TMEM181: variants seen among roughly 807,000 people sequenced by gnomAD.
TMEM181 encodes transmembrane protein 181.
TMEM181 carries 39 observed loss-of-function variants against 71.9 expected under a neutral mutation model. That is an observed-to-expected ratio of 0.54 (90% CI 0.42 to 0.71). TMEM181 has a LOEUF of 0.71. Ranked by LOEUF, TMEM181 falls within the 30% of genes least tolerant of loss-of-function variation. TMEM181 has a pLI of 0.00. For missense variants in TMEM181, 595 were observed against 583.0 expected (o/e 1.02, Z -0.21); for synonymous variants, 245 against 228.8 (o/e 1.07, Z -0.64).
At chr6:158,609,152 A>C (rs1785142953) in intron 10 of TMEM181, among the ~76,000 whole-genome samples, 1 of 151,642 alleles carries the variant, frequency 6.6e-6, no homozygotes. Context: ...CTGTGAACTC[A>C]TCCAGAAAAG....
At chr6:158,569,443 T>C (rs1329127762) in intron 1 of TMEM181, among the ~76,000 whole-genome samples, 1 of 152,252 alleles carries the variant, frequency 6.6e-6, no homozygotes, top group East Asian at 1.9e-4. Context: ...TCTTTTTTCC[T>C]TTGAGTTGGA....
chr6:158,619,825 C>T (rs987393250), intron 10 of TMEM181, among the ~76,000 whole-genome samples: 50 of 144,008 alleles, frequency 3.5e-4, no homozygotes, highest in African/African-American at 1.2e-3. Context: ...GCTGAGATTG[C>T]GCCACTGCAC....
At chr6:158,610,141 CT>C (rs1191705355) in intron 10 of TMEM181, 27 of 222,896 alleles carry the variant, frequency 1.2e-4, no homozygotes, top group Middle Eastern at 5.0e-4. Flanking sequence ...CTCAAGCTGT[CT>C]CTTAAATACC....
rs1023690207 is a variant in TMEM181 at position 158,536,698 on chromosome 6, T to C, written c.-37T>C. 5.2e-6 allele frequency: 8 copies of C among 1,552,736 alleles called. No individual in the cohort carries two copies. In the Admixed American group the frequency reaches 1.5e-4, roughly 29 times the overall value. ...GGGGCGCAGGCGGCGACACAAAGGG[T>C]GGAGCGGCGGGACCGGGACCCGGGA... On this transcript the variant is annotated 5_prime_UTR_variant, in exon 1 of 17. Coordinates refer to the TMEM181 transcript ENST00000367090.
chr6:158,563,760 A>T (rs1244526594), intron 1 of TMEM181, among the ~76,000 whole-genome samples: 3 of 152,182 alleles, frequency 2.0e-5, no homozygotes, highest in Non-Finnish European at 4.4e-5. Flanking sequence ...ATTGTTTATT[A>T]AATTGTGTTT....
At chr6:158,598,225 C>T (rs1265377167) in intron 6 of TMEM181, among the ~76,000 whole-genome samples, 2 of 152,218 alleles carry the variant, frequency 1.3e-5, no homozygotes, top group Non-Finnish European at 2.9e-5. Context: ...TCTCTGGGCA[C>T]GTCACATGCG....
rs542723808 is a variant in TMEM181, at chr6:158,608,167, T to A, written c.674-166T>A. 1.8e-4 allele frequency among the ~76,000 whole-genome samples: 28 copies of A among 152,184 alleles called. No homozygotes were observed. The South Asian group carries it at 5.8e-3, about 32-fold the overall frequency. The stretch of plus-strand genomic sequence containing the variant: ...TGCAGTGGGATGGGGTGCTCTCTGC[T>A]AGGTGCTGACCCCGCACAGGTATGG... On this transcript the variant is annotated intron_variant, in intron 8 of 16. Coordinates refer to ENST00000684151, the MANE Select transcript of TMEM181 (RefSeq NM_001376852.1).
chr6:158,619,841 C>T (rs1583045921), intron 10 of TMEM181, among the ~76,000 whole-genome samples: 1 of 144,560 alleles, frequency 6.9e-6, no homozygotes, highest in Non-Finnish European at 1.5e-5. Context: ...TGCACTCCAG[C>T]CTGGCGACAC....
intron 6 of TMEM181, among the ~76,000 whole-genome samples, chr6:158,599,915 G>A (rs1372337481): frequency 4.6e-5 from 7 of 152,218 alleles, no homozygotes; most frequent in African/African-American, 7.2e-5. Context: ...TGACAGGGGC[G>A]GCCTCCCAGA....
chr6:158,612,228 G>A (rs1017221832), intron 10 of TMEM181, among the ~76,000 whole-genome samples: 1 of 152,174 alleles, frequency 6.6e-6, no homozygotes, highest in African/African-American at 2.4e-5. Flanking sequence ...TCCTTGAAAC[G>A]TAAGAAGTTA....
At chr6:158,545,843 C>A (rs1233880660) in intron 1 of TMEM181, among the ~76,000 whole-genome samples, 11 of 152,162 alleles carry the variant, frequency 7.2e-5, no homozygotes, top group Admixed American at 5.9e-4. Context: ...GCTCTGGCTT[C>A]CCATTCTTTT....
chr6:158,557,213 A>G (rs1007419953), upstream of TMEM181, among the ~76,000 whole-genome samples: 2 of 152,144 alleles, frequency 1.3e-5, no homozygotes, highest in African/African-American at 4.8e-5. Flanking sequence ...TGTCTCTACA[A>G]AAAATACAAA....
chr6:158,550,684 A>G (rs1781691371), intron 1 of TMEM181, among the ~76,000 whole-genome samples: 1 of 152,002 alleles, frequency 6.6e-6, no homozygotes, highest in Non-Finnish European at 1.5e-5. Flanking sequence ...ACGTAGTTTC[A>G]TTTTACAGGT....
intron 6 of TMEM181, 84 bp from the exon 7 acceptor site, chr6:158,605,183 G>C: frequency 1.1e-6 from 1 of 920,612 alleles, no homozygotes; most frequent in South Asian, 1.3e-5. Context: ...GTCTCATCTA[G>C]AGATAACTAT....
rs367960202 is a variant in TMEM181 at position 158,571,409 on chromosome 6, G to A, written c.9-2011G>A. On this transcript the variant is annotated intron_variant, in intron 1 of 16. Transcript: ENST00000684151. ...CCCGCCTTGGCCTTGTGATCTGCCC[G>A]CCTTGGCCTCCCAAAGTGCTGAGAT... Among the ~76,000 whole-genome samples, 14 of 94,068 alleles carry A rather than the reference G, an allele frequency of 1.5e-4. 1 individual carries two copies. Among genetic ancestry groups the A allele is most frequent in the Non-Finnish European group, 2.1e-4 (9 of 43,228 alleles). 61.7% of individuals were successfully genotyped at this position (94,068 alleles called of 152,430 possible). A position where few individuals can be genotyped will look rare whatever the true frequency, so the allele number is the denominator to read the frequency against.
intron 5 of TMEM181, 100 bp from the exon 6 acceptor site, chr6:158,589,571 AG>A: frequency 1.2e-6 from 1 of 821,210 alleles, no homozygotes; most frequent in Non-Finnish European, 2.0e-6. Flanking sequence ...GGAGACAATG[AG>A]TTCTGCCCAT....
intron 13 of TMEM181, among the ~76,000 whole-genome samples, chr6:158,626,934 TCTCACC>T (rs55927745): frequency 5.7e-4 from 46 of 81,060 alleles, no homozygotes; most frequent in Middle Eastern, 7.9e-3. Flanking sequence ...TCACCCTCAT[TCTCACC>T]CTCACCCTCA....
chr6:158,599,955 C>T (rs957887547), intron 6 of TMEM181, among the ~76,000 whole-genome samples: 8 of 152,138 alleles, frequency 5.3e-5, no homozygotes, highest in Admixed American at 3.9e-4. Flanking sequence ...TGGCTTTTCC[C>T]GGAACCAGGA....
chr6:158,566,326 G>A (rs1019995504), intron 1 of TMEM181, among the ~76,000 whole-genome samples: 4 of 152,130 alleles, frequency 2.6e-5, no homozygotes, highest in East Asian at 1.9e-4. Flanking sequence ...TCGCAAGCCC[G>A]AGACAGGATG....
Sources: gnomAD v4.1 joint callset for allele counts (sites outside exome capture counted in the v4.1 genomes callset) on GRCh38, gnomAD v4.1.1 for gene constraint, MANE v1.5 for transcripts, NCBI Gene and HGNC (gene_info 2026-07-23, HGNC 2026-07-21) for gene names.